Variants in DIAPH3 observed in about 807,000 individuals in gnomAD.
The protein encoded by DIAPH3 is protein diaphanous homolog 3.
A neutral mutation model predicts 144.3 loss-of-function variants in DIAPH3; 117 were observed. The ratio of observed to expected loss-of-function variants is 0.81; its 90% CI spans 0.70 to 0.95. DIAPH3 has a LOEUF of 0.95. Ranked by LOEUF, DIAPH3 falls within the 40% of genes least tolerant of loss-of-function variation. The pLI is 0.00. For synonymous variants in DIAPH3, 519 were observed against 488.9 expected, an observed-to-expected ratio of 1.06 and a Z score of -0.81; for missense variants, 1,421 against 1,412.7, an observed-to-expected ratio of 1.01 and a Z score of -0.09.
chr13:59,780,633 A>C (rs1369993777), intron 25 of DIAPH3, among the ~76,000 whole-genome samples: 1 of 152,220 alleles, frequency 6.6e-6, no homozygotes, highest in Non-Finnish European at 1.5e-5. Flanking sequence ...GTCAAAGGAA[A>C]TGGAGAAGGG....
Position 60,082,369 on chromosome 13 carries a change from G to A in DIAPH3, c.495+11259C>T, listed in dbSNP as rs1452514884. Among the ~76,000 whole-genome samples, 3 of 147,810 alleles carry A rather than the reference G, an allele frequency of 2.0e-5. No individual in the cohort carries two copies. The South Asian group carries it at 6.4e-4, about 32-fold the overall frequency. ...AGAATCCATGAAAAAGAAAACCAAA[G>A]CAAAAAATTAGAACACATCAGTGAA... On this transcript the variant is annotated intron_variant, in intron 4 of 27. Coordinates refer to ENST00000400324, the MANE Select transcript of DIAPH3 (RefSeq NM_001042517.2).
At chr13:59,966,343 T>C (rs1172917116) in intron 17 of DIAPH3, among the ~76,000 whole-genome samples, 6 of 151,990 alleles carry the variant, frequency 3.9e-5, no homozygotes, top group Non-Finnish European at 7.4e-5. Flanking sequence ...CAAGAATATC[T>C]TGGTAATATG....
chr13:60,141,051 C>T (rs2059415401), intron 1 of DIAPH3, among the ~76,000 whole-genome samples: 1 of 152,090 alleles, frequency 6.6e-6, no homozygotes, highest in Admixed American at 6.5e-5. Context: ...AAGCACAAAT[C>T]CTTTTGACAC....
intron 27 of DIAPH3, among the ~76,000 whole-genome samples, chr13:59,734,242 G>C (rs922493389): frequency 1.3e-5 from 2 of 152,038 alleles, no homozygotes; most frequent in African/African-American, 4.8e-5. Flanking sequence ...TAGTAGGAAT[G>C]ATACATAATA....
intron 5 of DIAPH3, among the ~76,000 whole-genome samples, chr13:60,027,743 A>C (rs2054480841): frequency 6.6e-6 from 1 of 152,196 alleles, no homozygotes; most frequent in Non-Finnish European, 1.5e-5. Context: ...TTAGTACACT[A>C]ATATTTAACT....
chr13:60,137,185 A>C (rs1274518204), intron 1 of DIAPH3, among the ~76,000 whole-genome samples: 1 of 152,182 alleles, frequency 6.6e-6, no homozygotes, highest in Non-Finnish European at 1.5e-5. Flanking sequence ...CAAGAGGGTC[A>C]CTCTGGAATT....
intron 12 of DIAPH3, among the ~76,000 whole-genome samples, chr13:59,987,475 T>TAAAAA (rs201333360): frequency 1.0e-4 from 7 of 70,042 alleles, no homozygotes; most frequent in East Asian, 3.8e-4. Flanking sequence ...TAAAGTATAA[T>TAAAAA]AAAAAAAAAA....
At chr13:60,059,427 T>C (rs921374348) in intron 4 of DIAPH3, among the ~76,000 whole-genome samples, 3 of 152,104 alleles carry the variant, frequency 2.0e-5, no homozygotes, top group South Asian at 2.1e-4. Context: ...TTTCATGCTT[T>C]ATGCTATTTA....
At chr13:59,960,205 G>C (rs942770799) in intron 17 of DIAPH3, among the ~76,000 whole-genome samples, 28 of 152,190 alleles carry the variant, frequency 1.8e-4, no homozygotes, top group African/African-American at 6.8e-4. Context: ...TGTGAAGCTA[G>C]TAGGGAAGTA....
rs139226052 is a variant in DIAPH3, at chr13:59,999,421, C to G, written c.1015-6838G>C. On this transcript the variant is annotated intron_variant, in intron 9 of 27. Transcript: ENST00000400324. Reference sequence around the variant, plus strand: ...ATCTTCTAATTAAACTTAATGAAATCCACAGATTGAAGAGTTTTTTTTTAA... The same window carrying G: ...ATCTTCTAATTAAACTTAATGAAATGCACAGATTGAAGAGTTTTTTTTTAA... Among the ~76,000 whole-genome samples, 537 of 152,160 alleles carry G rather than the reference C, an allele frequency of 3.5e-3. 4 individuals carry two copies. The highest frequency in any genetic ancestry group is 0.013 in the African/African-American group (521 of 41,500).
rs1566661757 is a variant in DIAPH3, at chr13:60,016,134, C to A, written c.638G>T (p.Ser213Ile). 3.1e-6 allele frequency: 5 copies of A among 1,613,690 alleles called. No individual in the cohort carries two copies. Among genetic ancestry groups the A allele is most frequent in the Non-Finnish European group, 4.2e-6 (5 of 1,179,822 alleles). ...LTSNPVSWVE[S>I]FGHEGLGLLL... ...TAATCCAAGCCCTTCATGTCCAAAGCTTTCCACCCAACTGAAAAACAGAAA... is the reference window on the plus strand; with the variant it reads ...TAATCCAAGCCCTTCATGTCCAAAGATTTCCACCCAACTGAAAAACAGAAA... Residue 213 changes from serine (S) to isoleucine (I), a missense_variant, in exon 6 of 28, where the codon AGC becomes ATC. Transcript: ENST00000400324.
intron 17 of DIAPH3, among the ~76,000 whole-genome samples, chr13:59,965,933 G>A (rs1449992839): frequency 6.6e-6 from 1 of 152,100 alleles, no homozygotes; most frequent in African/African-American, 2.4e-5. Context: ...TGGAAGGTAT[G>A]AAAGAGGAGG....
rs548411786 is a variant in DIAPH3, at chr13:59,978,680, T to C, written c.1545+2115A>G. On this transcript the variant is annotated intron_variant, in intron 14 of 27. Coordinates refer to ENST00000400324, the MANE Select transcript of DIAPH3 (RefSeq NM_001042517.2). ...TGTTTTAGCATTTTTGTAATATCTA[T>C]AGTCAAATCACTGTAGCCTTGGGGA... Among the ~76,000 whole-genome samples the C allele has an allele frequency of 4.6e-5, 7 of 151,856 alleles. No individual in the cohort carries two copies. In the East Asian group the frequency reaches 9.7e-4, roughly 21 times the overall value.
intron 25 of DIAPH3, among the ~76,000 whole-genome samples, chr13:59,802,973 C>A (rs1420784080): frequency 6.6e-6 from 1 of 151,980 alleles, no homozygotes; most frequent in Non-Finnish European, 1.5e-5. Flanking sequence ...CGTGAGCCAC[C>A]GCGCCCAGCC....
chr13:59,735,003 T>C (rs1282044920), intron 27 of DIAPH3, among the ~76,000 whole-genome samples: 1 of 152,188 alleles, frequency 6.6e-6, no homozygotes, highest in Non-Finnish European at 1.5e-5. Flanking sequence ...CTGTGACTTT[T>C]ATATTTAGTA....
intron 27 of DIAPH3, among the ~76,000 whole-genome samples, chr13:59,725,025 T>C (rs1248979452): frequency 2.0e-5 from 3 of 152,200 alleles, no homozygotes; most frequent in African/African-American, 7.2e-5. Context: ...TTGTTAAAAG[T>C]GTTCTACTGC....
At position 59,922,222 on chromosome 13, in the gene DIAPH3, GA is replaced by G. The variant is rs1433722366; in HGVS notation, c.2170+2552del. The stretch of plus-strand genomic sequence containing the variant: ...TCCTAGCCAGGGCAATTAGGTAAGA[GA>G]AAAAAAATAGGCAGAAATAAGTTAA... On this transcript the variant is annotated intron_variant, in intron 18 of 27. Coordinates refer to ENST00000400324, the MANE Select transcript of DIAPH3 (RefSeq NM_001042517.2). 2.0e-5 allele frequency among the ~76,000 whole-genome samples: 3 copies of G among 151,538 alleles called. No individual in the cohort carries two copies. The South Asian group carries it at 6.2e-4, about 32-fold the overall frequency.
At chr13:60,003,485 T>C (rs2052646532) in intron 9 of DIAPH3, among the ~76,000 whole-genome samples, 2 of 151,426 alleles carry the variant, frequency 1.3e-5, no homozygotes, top group Admixed American at 1.3e-4. Flanking sequence ...ATTTGTACTT[T>C]CTTTCCTGAT....
rs898418277 is a variant in DIAPH3 at position 59,822,448 on chromosome 13, A to AT, written c.3027+10658dup. On this transcript the variant is annotated intron_variant, in intron 24 of 27. Coordinates refer to ENST00000400324, the MANE Select transcript of DIAPH3 (RefSeq NM_001042517.2). The stretch of plus-strand genomic sequence containing the variant: ...ACCTAATTTATTTATTTATTTATTT[A>AT]TTTTTTTTTGTGAGACGGAGTCTCG... Among the ~76,000 whole-genome samples the AT allele has an allele frequency of 1.3e-3, 190 of 150,528 alleles. 1 individual carries two copies. Among genetic ancestry groups the AT allele is most frequent in the South Asian group, 8.4e-4 (4 of 4,742 alleles).
Sources: gnomAD v4.1 joint callset for allele counts (sites outside exome capture counted in the v4.1 genomes callset) on GRCh38, gnomAD v4.1.1 for gene constraint, MANE v1.5 for transcripts, NCBI Gene and HGNC (gene_info 2026-07-23, HGNC 2026-07-21) for gene names.